Variants in FKTN observed in about 807,000 individuals in gnomAD.
FKTN encodes the protein fukutin, also known as ribitol-5-phosphate transferase FKTN.
A neutral mutation model predicts 58.6 loss-of-function variants in FKTN; 47 were observed. That is an observed-to-expected ratio of 0.80 (90% CI 0.63 to 1.02). The LOEUF (loss-of-function observed/expected upper bound fraction) is 1.02, where lower values mean the gene tolerates loss of function less well. Ranked by LOEUF, FKTN falls within the 50% of genes least tolerant of loss-of-function variation. The pLI is 0.00. For synonymous variants in FKTN, 178 were observed against 191.9 expected, an observed-to-expected ratio of 0.93 and a Z score of 0.60; for missense variants, 516 against 537.3, an observed-to-expected ratio of 0.96 and a Z score of 0.39.
At chr9:105,632,084 AGC>A (rs1271963580) in intron 10 of FKTN, among the ~76,000 whole-genome samples, 2 of 151,932 alleles carry the variant, frequency 1.3e-5, no homozygotes, top group Admixed American at 1.3e-4. Context: ...AATACTATGC[AGC>A]CATAAAAAAG....
At chr9:105,568,405 C>T (rs1840091541) in intron 1 of FKTN, among the ~76,000 whole-genome samples, 1 of 152,102 alleles carries the variant, frequency 6.6e-6, no homozygotes, top group African/African-American at 2.4e-5. Flanking sequence ...TGACAAAGGG[C>T]TAATACCCAG....
intron 10 of FKTN, among the ~76,000 whole-genome samples, chr9:105,630,748 A>G (rs956637352): frequency 2.6e-5 from 4 of 152,176 alleles, no homozygotes; most frequent in African/African-American, 7.2e-5. Context: ...AGGAACAAAA[A>G]CACTATGATT....
At chr9:105,580,327 G>C (rs1298706034) in intron 3 of FKTN, among the ~76,000 whole-genome samples, 3 of 152,036 alleles carry the variant, frequency 2.0e-5, no homozygotes, top group East Asian at 3.9e-4. Context: ...TCCATGTTTA[G>C]TGCTTCCTTC....
intron 10 of FKTN, among the ~76,000 whole-genome samples, chr9:105,627,553 A>C (rs1832893115): frequency 6.6e-6 from 1 of 152,108 alleles, no homozygotes; most frequent in Non-Finnish European, 1.5e-5. Flanking sequence ...ACCACATTGC[A>C]TTTAGACACT....
intron 3 of FKTN, among the ~76,000 whole-genome samples, chr9:105,578,257 A>C (rs1025245523): frequency 7.4e-5 from 11 of 149,492 alleles, no homozygotes; most frequent in Non-Finnish European, 1.5e-4. Flanking sequence ...CAGTTTTCAA[A>C]GGGAATGCTT....
intron 6 of FKTN, 87 bp downstream of exon 6, chr9:105,604,579 C>A: frequency 2.9e-6 from 3 of 1,050,924 alleles, no homozygotes; most frequent in Non-Finnish European, 4.4e-6. Flanking sequence ...GTATTGAAAT[C>A]TAATATATAA....
Position 105,640,163 on chromosome 9 carries a change from T to G in FKTN, c.*4899T>G. ...GCTTCACATCAGACTGAAATCCTAATTACAGTTCATAAGTGAAACAGACTA... is the reference window on the plus strand; with the variant it reads ...GCTTCACATCAGACTGAAATCCTAAGTACAGTTCATAAGTGAAACAGACTA... On this transcript the variant is annotated 3_prime_UTR_variant, in exon 11 of 11. Transcript: ENST00000357998. 1 of 1,535,170 alleles carries G rather than the reference T, an allele frequency of 6.5e-7. No individual in the cohort carries two copies. Among genetic ancestry groups the G allele is most frequent in the Non-Finnish European group, 8.7e-7 (1 of 1,146,648 alleles).
intron 3 of FKTN, among the ~76,000 whole-genome samples, chr9:105,594,155 G>C (rs1418926793): frequency 6.6e-6 from 1 of 152,174 alleles, no homozygotes; most frequent in African/African-American, 2.4e-5. Flanking sequence ...GTGCATAAGT[G>C]GAGAGGCTGG....
chr9:105,620,532 T>C (rs1202768292), intron 10 of FKTN, among the ~76,000 whole-genome samples: 1 of 152,226 alleles, frequency 6.6e-6, no homozygotes, highest in Non-Finnish European at 1.5e-5. Flanking sequence ...CAGAGGTAGA[T>C]ATTCTGAAGC....
chr9:105,581,687 G>A (rs1842942454), intron 3 of FKTN, among the ~76,000 whole-genome samples: 1 of 152,208 alleles, frequency 6.6e-6, no homozygotes, highest in South Asian at 2.1e-4. Context: ...AACTGTGGTG[G>A]GCTCCATGCA....
At chr9:105,595,876 T>A (rs1444355075) in intron 3 of FKTN, among the ~76,000 whole-genome samples, 1 of 152,192 alleles carries the variant, frequency 6.6e-6, no homozygotes, top group Non-Finnish European at 1.5e-5. Flanking sequence ...ATAAGAAACT[T>A]ATTTGGATCT....
intron 1 of FKTN, among the ~76,000 whole-genome samples, chr9:105,573,128 G>A (rs532657831): frequency 5.9e-5 from 9 of 152,020 alleles, no homozygotes; most frequent in African/African-American, 2.2e-4. Context: ...CCAGTTACTC[G>A]GGAGGCTGAG....
chr9:105,576,111 C>T (rs1422158917), intron 3 of FKTN, among the ~76,000 whole-genome samples: 3 of 149,558 alleles, frequency 2.0e-5, no homozygotes, highest in African/African-American at 4.9e-5. Context: ...AGTTATTAGA[C>T]CTAATTTTGA....
chr9:105,604,595 A>G (rs1252000051), intron 6 of FKTN, 103 bp downstream of exon 6: 5 of 917,386 alleles, frequency 5.5e-6, no homozygotes, highest in Admixed American at 4.1e-5. Context: ...TATAATTTAT[A>G]TAAGTATTTA....
At position 105,611,510 on chromosome 9, in the gene FKTN, C is replaced by T. The variant is rs1465321344; in HGVS notation, c.780+3559C>T. The stretch of plus-strand genomic sequence containing the variant: ...TTCCTGGTCCTCTTTCTCCTCCCAC[C>T]CTCCAAAAGAACCCATTGTGTGTTG... On this transcript the variant is annotated intron_variant, in intron 7 of 10. Coordinates refer to ENST00000357998, the MANE Select transcript of FKTN (RefSeq NM_001079802.2). Among the ~76,000 whole-genome samples the T allele has an allele frequency of 2.6e-5, 4 of 152,062 alleles. No homozygotes were observed. In the East Asian group the frequency reaches 5.8e-4, roughly 22 times the overall value.
At position 105,581,512 on chromosome 9, in the gene FKTN, C is replaced by T. The variant is rs948501675; in HGVS notation, c.105+6375C>T. On this transcript the variant is annotated intron_variant, in intron 3 of 10. Coordinates refer to ENST00000357998, the MANE Select transcript of FKTN (RefSeq NM_001079802.2). ...GGGGTCAGGGACCCACTTGAGGAGG[C>T]AGTCTGCCGGTTCTCAGATCTCCAG... is the stretch of plus-strand genomic sequence containing the variant. 4.6e-4 allele frequency among the ~76,000 whole-genome samples: 69 copies of T among 151,378 alleles called. No individual in the cohort carries two copies. The South Asian group carries it at 9.6e-3, about 21-fold the overall frequency.
chr9:105,621,739 G>A lies in FKTN; in HGVS notation c.1172+1678G>A, dbSNP rs143911111. Among the ~76,000 whole-genome samples, 394 of 152,084 alleles carry A rather than the reference G, an allele frequency of 2.6e-3. 2 individuals are homozygous for A. Among genetic ancestry groups the A allele is most frequent in the African/African-American group, 8.7e-3 (360 of 41,502 alleles). On this transcript the variant is annotated intron_variant, in intron 10 of 10. Transcript: ENST00000357998. ...CACATAGCTATGTATCTTGGAAAAT[G>A]TTCCAAATGAGTATGTATAGAAATA...
chr9:105,604,117 C>G, intron 5 of FKTN, 98 bp from the exon 6 acceptor site: 1 of 1,264,882 alleles, frequency 7.9e-7, no homozygotes. Context: ...GGCTCAAGTT[C>G]AATATAAGAA....
rs924835403 is a variant in FKTN at position 105,635,901 on chromosome 9, G to A, written c.*637G>A. On this transcript the variant is annotated 3_prime_UTR_variant, in exon 11 of 11. Transcript: ENST00000357998. ...CAGAGCTTATTACTTGTCAGGATAAGTAAATTTCTGTACATGTACTGTTTT... is the reference window on the plus strand; with the variant it reads ...CAGAGCTTATTACTTGTCAGGATAAATAAATTTCTGTACATGTACTGTTTT... The A allele has an allele frequency of 1.3e-5, 13 of 989,216 alleles. No individual in the cohort carries two copies. Among genetic ancestry groups the A allele is most frequent in the Admixed American group, 1.2e-4 (2 of 17,282 alleles). 61.3% of individuals were successfully genotyped at this position (989,216 alleles called of 1,614,324 possible). A position where few individuals can be genotyped will look rare whatever the true frequency, so the allele number is the denominator to read the frequency against.
Sources: gnomAD v4.1 joint callset for allele counts (sites outside exome capture counted in the v4.1 genomes callset) on GRCh38, gnomAD v4.1.1 for gene constraint, MANE v1.5 for transcripts, NCBI Gene and HGNC (gene_info 2026-07-23, HGNC 2026-07-21) for gene names.